ATP8A2: variants seen among roughly 807,000 people sequenced by gnomAD.
The protein encoded by ATP8A2 is ATPase phospholipid transporting 8A2.
ATP8A2 carries 100 observed loss-of-function variants against 165.6 expected under a neutral mutation model. The ratio of observed to expected loss-of-function variants is 0.60; its 90% CI spans 0.51 to 0.71. The LOEUF is 0.71. ATP8A2 is among the 30% of genes least tolerant of loss of function. ATP8A2 has a pLI of 0.00. For missense variants in ATP8A2, 1,227 were observed against 1,479.5 expected (o/e 0.83, Z 2.80); for synonymous variants, 543 against 548.8 (o/e 0.99, Z 0.15).
At chr13:25,550,478 A>G (rs921392920) in intron 10 of ATP8A2, among the ~76,000 whole-genome samples, 3 of 152,160 alleles carry the variant, frequency 2.0e-5, no homozygotes, top group Admixed American at 2.0e-4. Flanking sequence ...TGACTTTCCC[A>G]TGGCTGAGAG....
chr13:25,425,827 C>T (rs1277836421), intron 1 of ATP8A2, among the ~76,000 whole-genome samples: 2 of 152,218 alleles, frequency 1.3e-5, no homozygotes, highest in African/African-American at 4.8e-5. Flanking sequence ...CCGCCCGCCT[C>T]CGCCTCCCAG....
chr13:25,437,714 A>G (rs2034818871), intron 1 of ATP8A2, among the ~76,000 whole-genome samples: 1 of 152,244 alleles, frequency 6.6e-6, no homozygotes, highest in African/African-American at 2.4e-5. Context: ...TAGAGTCAGT[A>G]TTACAAATGG....
Position 25,465,725 on chromosome 13 carries a change from TTC to T in ATP8A2, c.77-3250_77-3249del, listed in dbSNP as rs1491197752. Among the ~76,000 whole-genome samples the T allele has an allele frequency of 2.5e-3, 90 of 36,532 alleles. 3 individuals carry two copies. The highest frequency in any genetic ancestry group is 0.011 in the African/African-American group (89 of 7,972). The allele number at this position is 36,532 out of a possible 152,430, so 24.0% of individuals were successfully genotyped here. ...TTTCTTTCTTTCTTTCTTTCTTTCT[TTC>T]TTTCTTTCTTTCCCTCCCTCCCTCT... is the stretch of plus-strand genomic sequence containing the variant. On this transcript the variant is annotated intron_variant, in intron 1 of 36. Transcript: ENST00000381655.
rs1252741467 is a variant in ATP8A2, at chr13:26,012,233, T to C, written c.3378-298T>C. 2.6e-5 allele frequency among the ~76,000 whole-genome samples: 4 copies of C among 152,190 alleles called. 1 individual carries two copies. The highest frequency in any genetic ancestry group is 9.6e-5 in the African/African-American group (4 of 41,560). On this transcript the variant is annotated intron_variant, in intron 35 of 36. Coordinates refer to ENST00000381655, the MANE Select transcript of ATP8A2 (RefSeq NM_016529.6). Reference sequence around the variant, plus strand: ...GTTTACCCGGAAACAGGCCTCTCCTTGGAGAAGTGTCCTGAAAAGCCCACG... The same window carrying C: ...GTTTACCCGGAAACAGGCCTCTCCTCGGAGAAGTGTCCTGAAAAGCCCACG...
At chr13:25,410,808 A>G (rs1355991109) in intron 1 of ATP8A2, among the ~76,000 whole-genome samples, 1 of 152,230 alleles carries the variant, frequency 6.6e-6, no homozygotes, top group East Asian at 1.9e-4. Flanking sequence ...GACTGAGCCA[A>G]CATCATCCCT....
intron 33 of ATP8A2, among the ~76,000 whole-genome samples, chr13:25,890,490 G>A (rs771114941): frequency 8.0e-4 from 122 of 152,190 alleles, no homozygotes; most frequent in Non-Finnish European, 1.7e-3. Context: ...AAGCATGAAC[G>A]TAGATATTTC....
At chr13:25,643,837 A>G (rs2041601094) in intron 24 of ATP8A2, among the ~76,000 whole-genome samples, 1 of 151,888 alleles carries the variant, frequency 6.6e-6, no homozygotes, top group Non-Finnish European at 1.5e-5. Flanking sequence ...ACTCTTTAGC[A>G]TGCCTTGTGT....
chr13:25,513,557 C>T (rs1296803220), intron 2 of ATP8A2, among the ~76,000 whole-genome samples: 6 of 152,106 alleles, frequency 3.9e-5, no homozygotes, highest in African/African-American at 1.2e-4. Flanking sequence ...GACGGGGTGG[C>T]GGCCGGGCAG....
At chr13:25,628,113 A>G (rs1031377536) in intron 24 of ATP8A2, among the ~76,000 whole-genome samples, 3 of 152,136 alleles carry the variant, frequency 2.0e-5, no homozygotes, top group Non-Finnish European at 1.5e-5. Flanking sequence ...ATGTGTGGCT[A>G]TGGTTCCACA....
At chr13:25,906,733 T>G (rs1022374816) in intron 33 of ATP8A2, among the ~76,000 whole-genome samples, 7 of 152,236 alleles carry the variant, frequency 4.6e-5, no homozygotes, top group African/African-American at 1.2e-4. Context: ...TGGTTTCCAA[T>G]GTTGCTTAAA....
chr13:25,593,810 TAG>T (rs1196420104), intron 24 of ATP8A2, among the ~76,000 whole-genome samples: 1 of 152,248 alleles, frequency 6.6e-6, no homozygotes, highest in African/African-American at 2.4e-5. Flanking sequence ...ACTTGTGGAC[TAG>T]AGTTAGTTTT....
At chr13:25,728,894 T>C (rs1386246777) in intron 25 of ATP8A2, among the ~76,000 whole-genome samples, 4 of 152,214 alleles carry the variant, frequency 2.6e-5, no homozygotes, top group Admixed American at 2.6e-4. Context: ...ATATGCGTGC[T>C]CCTTGGAAAG....
At position 25,755,111 on chromosome 13, in the gene ATP8A2, A is replaced by G. The variant is rs114964901; in HGVS notation, c.2385-13935A>G. On this transcript the variant is annotated intron_variant, in intron 25 of 36. Coordinates refer to ENST00000381655, the MANE Select transcript of ATP8A2 (RefSeq NM_016529.6). ...TGCTTGAGGAGACAATGTTTGTGACAGTTGCATGTATTCGTATGTTTGTAA... is the reference window on the plus strand; with the variant it reads ...TGCTTGAGGAGACAATGTTTGTGACGGTTGCATGTATTCGTATGTTTGTAA... Among the ~76,000 whole-genome samples, 1,239 of 152,342 alleles carry G rather than the reference A, an allele frequency of 8.1e-3. 22 individuals carry two copies. Among genetic ancestry groups the G allele is most frequent in the African/African-American group, 0.028 (1,179 of 41,584 alleles).
intron 30 of ATP8A2, among the ~76,000 whole-genome samples, chr13:25,847,765 T>C (rs778024432): frequency 4.6e-5 from 7 of 152,164 alleles, no homozygotes; most frequent in Non-Finnish European, 1.0e-4. Context: ...CCGGAGACAC[T>C]GTCCTCCCAG....
At chr13:25,824,252 A>G (rs1247477263) in intron 27 of ATP8A2, among the ~76,000 whole-genome samples, 1 of 152,186 alleles carries the variant, frequency 6.6e-6, no homozygotes, top group South Asian at 2.1e-4. Flanking sequence ...GATTACAGAC[A>G]TGAGTCACTG....
chr13:25,946,264 T>C (rs1955206968), intron 33 of ATP8A2, among the ~76,000 whole-genome samples: 1 of 152,172 alleles, frequency 6.6e-6, no homozygotes, highest in Non-Finnish European at 1.5e-5. Flanking sequence ...CCAATGGCCA[T>C]GTCCCCACGG....
intron 1 of ATP8A2, among the ~76,000 whole-genome samples, chr13:25,377,825 C>T (rs2032690861): frequency 6.6e-6 from 1 of 151,890 alleles, no homozygotes; most frequent in South Asian, 2.1e-4. Context: ...CAAAACAAAA[C>T]AGTACTTGAA....
chr13:25,917,641 T>G (rs147811476), intron 33 of ATP8A2, among the ~76,000 whole-genome samples: 26 of 152,356 alleles, frequency 1.7e-4, no homozygotes, highest in African/African-American at 6.0e-4. Context: ...AAGTACAGCA[T>G]CAGCTGGTGG....
intron 1 of ATP8A2, among the ~76,000 whole-genome samples, chr13:25,387,343 C>T (rs531448991): frequency 7.2e-5 from 11 of 152,286 alleles, no homozygotes; most frequent in African/African-American, 2.6e-4. Flanking sequence ...TTCATCTCTA[C>T]GCACTCGCTT....
Sources: gnomAD v4.1 joint callset for allele counts (sites outside exome capture counted in the v4.1 genomes callset) on GRCh38, gnomAD v4.1.1 for gene constraint, MANE v1.5 for transcripts, NCBI Gene and HGNC (gene_info 2026-07-23, HGNC 2026-07-21) for gene names.